Variants in GARIN4 observed in about 807,000 individuals in gnomAD.
The protein encoded by GARIN4 is Golgi-associated RAB2 interactor protein 4.
the GARIN4 span, chr1:212,626,105 A>G: frequency 3.7e-6 from 6 of 1,614,160 alleles, no homozygotes; most frequent in African/African-American, 1.3e-5. Flanking sequence ...ACAGCATGGA[A>G]GGGAGCGAAC....
the GARIN4 span, chr1:212,626,077 C>A: frequency 6.2e-7 from 1 of 1,614,132 alleles, no homozygotes; most frequent in Non-Finnish European, 8.5e-7. Context: ...CCCGGCAGAG[C>A]AAGAGCAGCC....
the GARIN4 span, chr1:212,624,870 A>G: frequency 1.3e-6 from 2 of 1,568,210 alleles, no homozygotes; most frequent in Non-Finnish European, 1.7e-6. Context: ...TTGTGCTGAA[A>G]GACAACCATG....
chr1:212,626,724 C>A, the GARIN4 span: 1 of 1,523,404 alleles, frequency 6.6e-7, no homozygotes, highest in Non-Finnish European at 8.8e-7. Context: ...CCCTGGAAAG[C>A]CTATTCCAGC....
At chr1:212,624,799 G>C in the GARIN4 span, 2 of 1,456,500 alleles carry the variant, frequency 1.4e-6, no homozygotes, top group Non-Finnish European at 1.8e-6. Context: ...GAGCACCACT[G>C]GTCCCTCATC....
the GARIN4 span, chr1:212,625,446 A>G: frequency 2.5e-6 from 4 of 1,614,136 alleles, no homozygotes; most frequent in South Asian, 4.4e-5. Flanking sequence ...ATTCCAGCTG[A>G]AGACATGATG....
chr1:212,625,758 G>T, the GARIN4 span: 61 of 1,614,008 alleles, frequency 3.8e-5, no homozygotes, highest in East Asian at 1.3e-3. Flanking sequence ...ACCGTAGCAG[G>T]TGCCTTGAGT....
At chr1:212,625,390 T>C in the GARIN4 span, 1 of 1,614,182 alleles carries the variant, frequency 6.2e-7, no homozygotes, top group Non-Finnish European at 8.5e-7. Flanking sequence ...AAAAACTAAT[T>C]TACCTCTTGC....
the GARIN4 span, chr1:212,626,332 G>T: frequency 1.2e-6 from 2 of 1,614,190 alleles, no homozygotes. Flanking sequence ...GGAGCAGCAG[G>T]CACAGGGACT....
chr1:212,626,481 C>T, the GARIN4 span: 1 of 1,614,190 alleles, frequency 6.2e-7, no homozygotes, highest in South Asian at 1.1e-5. Context: ...AACGTCAGAG[C>T]CAACCTTACT....
the GARIN4 span, chr1:212,625,859 G>A: frequency 6.2e-7 from 1 of 1,614,228 alleles, no homozygotes; most frequent in Non-Finnish European, 8.5e-7. Flanking sequence ...AGGCAACATG[G>A]CCCTTGCAGG....
chr1:212,625,616 G>C, the GARIN4 span: 1 of 1,614,122 alleles, frequency 6.2e-7, no homozygotes, highest in South Asian at 1.1e-5. Flanking sequence ...ACTCCAAAAT[G>C]ACTTTAACAA....
chr1:212,625,736 G>A, the GARIN4 span: 1 of 1,613,912 alleles, frequency 6.2e-7, no homozygotes, highest in Non-Finnish European at 8.5e-7. Context: ...AGCTGCAGGG[G>A]CAGCAACAGG....
chr1:212,625,999 A>G, the GARIN4 span: 4 of 1,614,232 alleles, frequency 2.5e-6, no homozygotes, highest in Non-Finnish European at 3.4e-6. Context: ...CCATTGCAGG[A>G]GTAGTACTGA....
At chr1:212,624,622 T>G in the GARIN4 span, 1 of 432,780 alleles carries the variant, frequency 2.3e-6, no homozygotes, top group Non-Finnish European at 3.9e-6. Context: ...CCTGCATCTC[T>G]ACGTCTTGGA....
chr1:212,626,773 A>C, the GARIN4 span: 161 of 1,457,104 alleles, frequency 1.1e-4, no homozygotes, highest in Non-Finnish European at 1.0e-4. Context: ...CATACATCTG[A>C]AAGTGGCTTG....
At chr1:212,625,624 C>G in the GARIN4 span, 1 of 1,614,166 alleles carries the variant, frequency 6.2e-7, no homozygotes, top group Non-Finnish European at 8.5e-7. Context: ...ATGACTTTAA[C>G]AAACCCACTA....
the GARIN4 span, chr1:212,624,909 C>G: frequency 6.2e-7 from 1 of 1,606,624 alleles, no homozygotes; most frequent in South Asian, 1.1e-5. Context: ...CCGTATTATA[C>G]GGCCCAGAGT....
chr1:212,624,860 T>C, the GARIN4 span: 2 of 1,557,352 alleles, frequency 1.3e-6, no homozygotes, highest in African/African-American at 2.7e-5. Context: ...AGTGCTGCCG[T>C]TGTGCTGAAA....
chr1:212,626,088 T>C, the GARIN4 span: 2 of 1,614,048 alleles, frequency 1.2e-6, no homozygotes, highest in Non-Finnish European at 1.7e-6. Context: ...AAGAGCAGCC[T>C]GAGTGGACAG....
Sources: gnomAD v4.1 joint callset for allele counts on GRCh38, gnomAD v4.1.1 for gene constraint, MANE v1.5 for transcripts, NCBI Gene and HGNC (gene_info 2026-07-23, HGNC 2026-07-21) for gene names.